GTSF1: variants seen among roughly 807,000 people sequenced by gnomAD.
The protein encoded by GTSF1 is gametocyte specific factor 1, also known as gametocyte-specific factor 1.
Under a neutral mutation model 28.9 loss-of-function variants are expected in GTSF1, and 11 were observed. That is an observed-to-expected ratio of 0.38 (90% confidence interval 0.24 to 0.63). The LOEUF (loss-of-function observed/expected upper bound fraction) is 0.63. Among genes scored for constraint, GTSF1 ranks in the 30% least tolerant of loss-of-function variants. The pLI is 0.56. For synonymous variants in GTSF1, 69 were observed against 65.6 expected, an observed-to-expected ratio of 1.05 and a Z score of -0.25; for missense variants, 146 against 201.0, an observed-to-expected ratio of 0.73 and a Z score of 1.66.
At position 54,465,106 on chromosome 12, in the gene GTSF1, CCT is replaced by C. The variant is rs1592320490; in HGVS notation, c.76_77del (p.Arg26GlyfsTer17). The C allele has an allele frequency of 6.2e-7, 1 of 1,613,230 alleles. No homozygotes were observed. The highest frequency in any genetic ancestry group is 8.5e-7 in the Non-Finnish European group (1 of 1,179,506). ...QCPYDKNHQI[R>X]ACRFPYHLIK... ...TAAGATGATAAGGAAACCTGCAAGC[CCT>C]GATTTGATGGTTTTTGTCATAGGGG... On this transcript the variant is annotated frameshift_variant, in exon 3 of 9. Transcript: ENST00000305879. LOFTEE classifies it high-confidence loss of function.
chr12:54,468,711 T>TA (rs1956554959), intron 2 of GTSF1: 1 of 152,112 alleles, frequency 6.6e-6, no homozygotes, highest in Non-Finnish European at 1.5e-5. Context: ...AGCTAAGAGG[T>TA]ACAGTCCAAA....
chr12:54,463,765 G>A (rs1239065406), intron 3 of GTSF1, among the ~76,000 whole-genome samples: 2 of 152,182 alleles, frequency 1.3e-5, no homozygotes, highest in Non-Finnish European at 2.9e-5. Flanking sequence ...CTGGAAAATA[G>A]CTGTTGGAAG....
intron 3 of GTSF1, chr12:54,464,857 C>G: frequency 2.6e-6 from 1 of 378,704 alleles, no homozygotes; most frequent in Non-Finnish European, 4.9e-6. Context: ...GGTTCTTTGT[C>G]ACTAGTTAAT....
intron 8 of GTSF1, among the ~76,000 whole-genome samples, chr12:54,458,093 C>G (rs1956362713): frequency 1.3e-5 from 2 of 152,208 alleles, no homozygotes; most frequent in South Asian, 2.1e-4. Context: ...TGAGGGCCTA[C>G]TAACTGCAAA....
chr12:54,465,091 A>G lies in GTSF1; in HGVS notation c.93T>C (p.Pro31=). ...KNHQIRACRF[P]YHLIKCRKNH... Reference sequence around the variant, plus strand: ...CCTTTCTGCACTTGATAAGATGATAAGGAAACCTGCAAGCCCTGATTTGAT... The same window carrying G: ...CCTTTCTGCACTTGATAAGATGATAGGGAAACCTGCAAGCCCTGATTTGAT... The change falls in exon 3 of 9, where the codon CCT becomes CCC. Residue 31 remains proline (P), a synonymous_variant. Transcript: ENST00000305879. 1 of 1,613,246 alleles carries G rather than the reference A, an allele frequency of 6.2e-7. No homozygotes were observed. Among genetic ancestry groups the G allele is most frequent in the Non-Finnish European group, 8.5e-7 (1 of 1,179,338 alleles).
At chr12:54,466,964 A>G (rs375672197) in intron 2 of GTSF1, 1 of 151,942 alleles carries the variant, frequency 6.6e-6, no homozygotes, top group Non-Finnish European at 1.5e-5. Flanking sequence ...AAAAATCTTT[A>G]ACTGTGATTA....
At chr12:54,459,228 A>G (rs1377767653) in intron 7 of GTSF1, 103 bp from the exon 8 acceptor site, 1 of 1,440,156 alleles carries the variant, frequency 6.9e-7, no homozygotes, top group African/African-American at 1.4e-5. Flanking sequence ...TGTATACTGA[A>G]TTATAATATA....
chr12:54,457,541 A>C (rs1956353092), intron 8 of GTSF1, among the ~76,000 whole-genome samples: 1 of 152,092 alleles, frequency 6.6e-6, no homozygotes, highest in South Asian at 2.1e-4. Flanking sequence ...TGGTCTCCCA[A>C]AGTGTTGGGA....
At chr12:54,459,282 G>A (rs1050143446) in intron 7 of GTSF1, 157 bp from the exon 8 acceptor site, 2 of 1,437,116 alleles carry the variant, frequency 1.4e-6, no homozygotes, top group South Asian at 1.5e-5. Context: ...TCATTCAAGA[G>A]CATGGGAAAA....
intron 7 of GTSF1, among the ~76,000 whole-genome samples, chr12:54,459,972 C>T (rs896174202): frequency 2.7e-5 from 4 of 150,830 alleles, no homozygotes; most frequent in Non-Finnish European, 4.4e-5. Context: ...GTGATCCGCC[C>T]GCCTCGGCCT....
At chr12:54,473,152 G>C (rs1159319245) in intron 1 of GTSF1, among the ~76,000 whole-genome samples, 1 of 152,038 alleles carries the variant, frequency 6.6e-6, no homozygotes, top group Admixed American at 6.6e-5. Flanking sequence ...CGGTGAAATA[G>C]ACAAGCTACG....
rs1956326261 is a variant in GTSF1, at chr12:54,456,131, AAC to A, written c.*41_*42del. ...AGAACCCACTGGTAGAAGAAGAAGC[AAC>A]AGTCTTCTAGGGTCTGGCATCTGCA... On this transcript the variant is annotated 3_prime_UTR_variant, in exon 9 of 9. Coordinates refer to ENST00000305879, the MANE Select transcript of GTSF1 (RefSeq NM_144594.3). The A allele has an allele frequency of 1.3e-5, 2 of 152,754 alleles. No individual in the cohort carries two copies. Among genetic ancestry groups the A allele is most frequent in the Non-Finnish European group, 2.9e-5 (2 of 68,034 alleles). The allele number at this position is 152,754 out of a possible 1,614,324, so 9.5% of individuals were successfully genotyped here.
At chr12:54,467,693 A>G (rs1277025145) in intron 2 of GTSF1, among the ~76,000 whole-genome samples, 1 of 151,906 alleles carries the variant, frequency 6.6e-6, no homozygotes, top group East Asian at 1.9e-4. Flanking sequence ...CCAAGTCACT[A>G]CATATAAGAA....
intron 5 of GTSF1, 122 bp from the exon 6 acceptor site, chr12:54,462,294 G>C: frequency 1.5e-6 from 1 of 682,148 alleles, no homozygotes; most frequent in Non-Finnish European, 2.6e-6. Flanking sequence ...AGTAAAAATT[G>C]ATCAAGTGTC....
chr12:54,459,225 T>C lies in GTSF1; in HGVS notation c.488-100A>G, dbSNP rs1424716614. 8 of 1,443,332 alleles carry C rather than the reference T, an allele frequency of 5.5e-6. No individual in the cohort carries two copies. In the Admixed American group the frequency reaches 9.4e-5, roughly 17 times the overall value. The allele number at this position is 1,443,332 out of a possible 1,614,324, so 89.4% of individuals were successfully genotyped here. ...ACAAATGACTTATTCCTGTGTATAC[T>C]GAATTATAATATAAAAGTAGAAGAA... On this transcript the variant is annotated intron_variant, in intron 7 of 8. Transcript: ENST00000305879.
chr12:54,459,265 T>C, intron 7 of GTSF1, 140 bp from the exon 8 acceptor site: 1 of 1,426,114 alleles, frequency 7.0e-7, no homozygotes, highest in Non-Finnish European at 9.2e-7. Flanking sequence ...ATATTAGTAA[T>C]CAGATTTCAT....
rs185366966 is a variant in GTSF1 at position 54,456,051 on chromosome 12, A to C, written c.*123T>G. 193 of 152,740 alleles carry C rather than the reference A, an allele frequency of 1.3e-3. No individual in the cohort carries two copies. The highest frequency in any genetic ancestry group is 4.3e-3 in the African/African-American group (179 of 41,564). The allele number at this position is 152,740 out of a possible 1,614,324, so 9.5% of individuals were successfully genotyped here. A position where few individuals can be genotyped will look rare whatever the true frequency, so the allele number is the denominator to read the frequency against. ...GGGGGAGGAAAAAAGTGTGCTTGTC[A>C]GTTTGGAAAGTCACAGGGAGTTTAC... is the stretch of plus-strand genomic sequence containing the variant. On this transcript the variant is annotated 3_prime_UTR_variant, in exon 9 of 9. Transcript: ENST00000305879.
intron 4 of GTSF1, 83 bp from the exon 5 acceptor site, chr12:54,462,808 C>A: frequency 9.4e-7 from 1 of 1,064,452 alleles, no homozygotes; most frequent in South Asian, 1.4e-5. Context: ...TAAAAGGTTG[C>A]AAGGGTAGCC....
At chr12:54,459,325 C>T (rs570187219) in intron 7 of GTSF1, 200 bp from the exon 8 acceptor site, 2 of 1,440,372 alleles carry the variant, frequency 1.4e-6, no homozygotes, top group African/African-American at 2.9e-5. Flanking sequence ...AGCCTTTTGA[C>T]ATATAATTTG....
Sources: gnomAD v4.1 joint callset for allele counts (sites outside exome capture counted in the v4.1 genomes callset) on GRCh38, gnomAD v4.1.1 for gene constraint, MANE v1.5 for transcripts, NCBI Gene and HGNC (gene_info 2026-07-23, HGNC 2026-07-21) for gene names.